Variants in LRP1B observed in about 807,000 individuals in gnomAD.
The protein encoded by LRP1B is LDL receptor related protein 1B, also known as low-density lipoprotein receptor-related protein 1B.
In LRP1B, 217 loss-of-function variants were observed where a neutral mutation model predicts 556.6. That is an observed-to-expected ratio of 0.39 (90% CI 0.35 to 0.44). The LOEUF (loss-of-function observed/expected upper bound fraction) is 0.44. Among genes scored for constraint, LRP1B ranks in the 20% least tolerant of loss-of-function variants. The pLI is 1.00. For missense variants in LRP1B, 5,053 were observed against 5,620.8 expected, an observed-to-expected ratio of 0.90 and a Z score of 3.23; for synonymous variants, 2,047 against 1,865.8, an observed-to-expected ratio of 1.10 and a Z score of -2.50.
chr2:141,277,366 C>T (rs1287506802), intron 3 of LRP1B, among the ~76,000 whole-genome samples: 4 of 152,082 alleles, frequency 2.6e-5, no homozygotes, highest in Non-Finnish European at 5.9e-5. Flanking sequence ...ACTGTGGTTT[C>T]GATTTGCATT....
At chr2:141,133,292 T>C (rs113867847) in intron 7 of LRP1B, among the ~76,000 whole-genome samples, 5,394 of 81,868 alleles carry the variant, frequency 0.066, 240 homozygotes, top group African/African-American at 0.14. Flanking sequence ...TAACGTCTCT[T>C]TTTTTTTTTT....
At chr2:140,614,693 A>G (rs10209173) in intron 41 of LRP1B, among the ~76,000 whole-genome samples, 34,810 of 152,088 alleles carry the variant, frequency 0.23, 4,275 homozygotes, top group Admixed American at 0.3. Context: ...GTAATTGAGC[A>G]TTTATTGAGT....
At chr2:141,041,203 A>G (rs2105431969) in intron 11 of LRP1B, among the ~76,000 whole-genome samples, 1 of 152,236 alleles carries the variant, frequency 6.6e-6, no homozygotes, top group South Asian at 2.1e-4. Context: ...CTTCATACGT[A>G]AAGTCAGTAT....
intron 2 of LRP1B, among the ~76,000 whole-genome samples, chr2:141,637,698 A>T (rs1340877788): frequency 1.3e-5 from 2 of 152,162 alleles, no homozygotes; most frequent in East Asian, 3.9e-4. Context: ...TTGAAAGAGA[A>T]ATCATGAGAT....
intron 41 of LRP1B, among the ~76,000 whole-genome samples, chr2:140,695,308 C>T (rs561817557): frequency 6.0e-4 from 92 of 152,146 alleles, no homozygotes; most frequent in African/African-American, 1.9e-3. Flanking sequence ...GAGTCAATAA[C>T]TTGCAATGGA....
intron 1 of LRP1B, among the ~76,000 whole-genome samples, chr2:142,115,535 TAC>T (rs1184081905): frequency 4.7e-5 from 2 of 42,444 alleles, no homozygotes; most frequent in African/African-American, 6.9e-5. Flanking sequence ...ATATATATAT[TAC>T]ATATGTAATA....
chr2:140,839,640 A>T (rs1261176859), intron 31 of LRP1B, among the ~76,000 whole-genome samples: 1 of 152,190 alleles, frequency 6.6e-6, no homozygotes, highest in African/African-American at 2.4e-5. Context: ...TACAGACTGA[A>T]GACTGCGCTG....
intron 20 of LRP1B, among the ~76,000 whole-genome samples, chr2:140,948,652 G>A (rs897621567): frequency 2.6e-5 from 4 of 152,074 alleles, no homozygotes; most frequent in African/African-American, 7.2e-5. Context: ...TAATTTCTTC[G>A]TTTCTGTTTT....
At chr2:141,837,220 AG>A (rs892434086) in intron 1 of LRP1B, among the ~76,000 whole-genome samples, 6 of 152,176 alleles carry the variant, frequency 3.9e-5, no homozygotes, top group African/African-American at 1.2e-4. Context: ...AAGACCACTA[AG>A]AAATAGTAAG....
intron 1 of LRP1B, among the ~76,000 whole-genome samples, chr2:142,088,839 G>T (rs1298193751): frequency 6.6e-6 from 1 of 151,884 alleles, no homozygotes; most frequent in African/African-American, 2.4e-5. Flanking sequence ...GCCGGGCTTG[G>T]TGGTGGGTGC....
chr2:140,297,194 A>G (rs1368998734), intron 84 of LRP1B, among the ~76,000 whole-genome samples: 1 of 152,138 alleles, frequency 6.6e-6, no homozygotes, highest in Non-Finnish European at 1.5e-5. Flanking sequence ...GGGATGTGCT[A>G]GTTAGTGTGA....
chr2:140,696,706 C>A (rs1008295924), intron 41 of LRP1B, among the ~76,000 whole-genome samples: 1 of 152,018 alleles, frequency 6.6e-6, no homozygotes, highest in African/African-American at 2.4e-5. Flanking sequence ...TTCATACGAG[C>A]GCAAACCCTA....
chr2:140,750,279 T>C (rs74765965), intron 35 of LRP1B, among the ~76,000 whole-genome samples: 5,407 of 152,230 alleles, frequency 0.036, 317 homozygotes, highest in African/African-American at 0.12. Context: ...GGTATATTGA[T>C]TATGGTGAAT....
intron 2 of LRP1B, among the ~76,000 whole-genome samples, chr2:141,801,445 C>T (rs1696002507): frequency 6.6e-6 from 1 of 152,048 alleles, no homozygotes; most frequent in Non-Finnish European, 1.5e-5. Context: ...TGAACCACTG[C>T]ACCTGGCCTG....
intron 66 of LRP1B, 67 bp from the exon 67 acceptor site, chr2:140,386,076 C>A: frequency 1.1e-6 from 1 of 919,358 alleles, no homozygotes; most frequent in East Asian, 2.4e-5. Context: ...AACGTCCTCA[C>A]TGCCATGCCA....
chr2:140,237,235 G>A (rs1219808193), intron 89 of LRP1B, among the ~76,000 whole-genome samples: 1 of 150,750 alleles, frequency 6.6e-6, no homozygotes, highest in African/African-American at 2.4e-5. Flanking sequence ...AACTTCTATA[G>A]ATTCACATGT....
chr2:140,745,859 C>T (rs528789851), intron 35 of LRP1B, among the ~76,000 whole-genome samples: 1 of 152,104 alleles, frequency 6.6e-6, no homozygotes, highest in South Asian at 2.1e-4. Flanking sequence ...TCTCATCAGA[C>T]CCAAAGAATG....
intron 23 of LRP1B, among the ~76,000 whole-genome samples, chr2:140,887,725 T>A (rs970313752): frequency 2.6e-5 from 4 of 152,184 alleles, no homozygotes; most frequent in African/African-American, 9.6e-5. Flanking sequence ...TATTCATCAA[T>A]ACAAAGAAAA....
chr2:141,720,847 TAAATCAACC>T (rs773988073), intron 2 of LRP1B, among the ~76,000 whole-genome samples: 11 of 152,200 alleles, frequency 7.2e-5, no homozygotes, highest in South Asian at 4.1e-4. Flanking sequence ...AGGAAAGTAC[TAAATCAACC>T]ATGAGTTGGA....
Sources: allele counts gnomAD v4.1 joint callset (sites outside exome capture counted in the v4.1 genomes callset), GRCh38; gene constraint gnomAD v4.1.1; transcripts MANE v1.5; gene names NCBI Gene and HGNC (gene_info 2026-07-23, HGNC 2026-07-21).